Variants in USP9X observed in about 807,000 individuals in gnomAD.
USP9X encodes the protein ubiquitin specific peptidase 9 X-linked.
A neutral mutation model predicts 190.3 loss-of-function variants in USP9X; 7 were observed. The observed-to-expected ratio is 0.04, with a 90% confidence interval of 0.02 to 0.07. The LOEUF (loss-of-function observed/expected upper bound fraction) is 0.07. USP9X is among the 10% of genes least tolerant of loss of function. The pLI is 1.00. For synonymous variants in USP9X, 645 were observed against 659.5 expected (o/e 0.98, Z 0.34); for missense variants, 1,010 against 1,916.9 (o/e 0.53, Z 8.83).
At chrX:41,202,153 G>T (rs2267490) in intron 31 of USP9X, among the ~76,000 whole-genome samples, 15,298 of 111,231 alleles carry the variant, frequency 0.14, 925 homozygotes, top group East Asian at 0.22. Context: ...CAATTTCACT[G>T]TGTGTGCTTA....
At chrX:41,206,595 T>C (rs1393285240) in intron 32 of USP9X, among the ~76,000 whole-genome samples, 1 of 111,013 alleles carries the variant, frequency 9.0e-6, no homozygotes, top group African/African-American at 3.3e-5. Context: ...CTGCATCTTC[T>C]ATAAACACCT....
At chrX:41,171,995 A>G in intron 21 of USP9X, 37 bp downstream of exon 21, 3 of 1,201,950 alleles carry the variant, frequency 2.5e-6, no homozygotes, top group Non-Finnish European at 2.2e-6. Flanking sequence ...TACTTGCTGG[A>G]CAATAAAGGA....
At chrX:41,119,253 C>A (rs948151605) in intron 1 of USP9X, among the ~76,000 whole-genome samples, 1 of 111,148 alleles carries the variant, frequency 9.0e-6, no homozygotes, top group African/African-American at 3.3e-5. Context: ...TGGCTCACAT[C>A]TGTAATCCTA....
intron 2 of USP9X, among the ~76,000 whole-genome samples, chrX:41,125,672 A>T (rs867526009): frequency 4.1e-5 from 2 of 48,676 alleles, no homozygotes; most frequent in African/African-American, 8.5e-5. Flanking sequence ...ACACACACAC[A>T]CACACACACA....
intron 1 of USP9X, among the ~76,000 whole-genome samples, chrX:41,110,869 T>A (rs1384224568): frequency 9.0e-6 from 1 of 111,542 alleles, no homozygotes; most frequent in Non-Finnish European, 1.9e-5. Flanking sequence ...TAATTTAGCA[T>A]TAATATACTG....
intron 24 of USP9X, 139 bp from the exon 25 acceptor site, chrX:41,187,850 AGAC>A: frequency 2.2e-5 from 12 of 541,365 alleles, no homozygotes; most frequent in Non-Finnish European, 2.7e-5. Flanking sequence ...TTTTTTTTTA[AGAC>A]AAAGGCAACT....
In USP9X at chrX:41,085,865, G is replaced by T. The variant is rs182497849; in HGVS notation, c.-403G>T. ...GGAGAAGGGGAAGAGGGCCGTCGCCGGCCAAGGAGGAGGAGGAGGCGGGCG... is the reference window on the plus strand; with the variant it reads ...GGAGAAGGGGAAGAGGGCCGTCGCCTGCCAAGGAGGAGGAGGAGGCGGGCG... On this transcript the variant is annotated 5_prime_UTR_variant, in exon 1 of 45. Coordinates refer to ENST00000378308, the MANE Select transcript of USP9X (RefSeq NM_001039591.3). 7.5e-4 allele frequency: 222 copies of T among 297,704 alleles called. No individual in the cohort carries two copies. The highest frequency in any genetic ancestry group is 5.6e-3 in the African/African-American group (207 of 36,764). 24.5% of individuals were successfully genotyped at this position (297,704 alleles called of 1,213,427 possible).
intron 13 of USP9X, among the ~76,000 whole-genome samples, chrX:41,151,869 T>TA (rs2062529603): frequency 8.9e-6 from 1 of 112,347 alleles, no homozygotes; most frequent in South Asian, 3.7e-4. Context: ...TAGTCCCAGT[T>TA]ACTCGGGAAG....
Position 41,129,034 on chromosome X carries a change from C to T in USP9X, c.131C>T (p.Pro44Leu), listed in dbSNP as rs149866601. 7.5e-5 allele frequency: 90 copies of T among 1,207,803 alleles called. No individual in the cohort carries two copies. The highest frequency in any genetic ancestry group is 5.6e-4 in the African/African-American group (32 of 57,083). Residue 44 changes from proline (P) to leucine (L), a missense_variant, in exon 3 of 45, where the codon CCG (proline) becomes CTG (leucine). Coordinates refer to ENST00000378308, the MANE Select transcript of USP9X (RefSeq NM_001039591.3). Reference sequence around the variant, plus strand: ...CCTGATTCTTCCAATGAAAATTCCCCGGCAACTCCCCCAGATGAGCAAGGT... The same window carrying T: ...CCTGATTCTTCCAATGAAAATTCCCTGGCAACTCCCCCAGATGAGCAAGGT... ...SSPDSSNENS[P>L]ATPPDEQGQG...
At chrX:41,176,040 G>A (rs936466151) in intron 21 of USP9X, among the ~76,000 whole-genome samples, 3 of 111,244 alleles carry the variant, frequency 2.7e-5, no homozygotes, top group Non-Finnish European at 3.8e-5. Context: ...ACAGGCGTGA[G>A]CCACCATGCC....
intron 1 of USP9X, among the ~76,000 whole-genome samples, chrX:41,090,339 A>G (rs917749106): frequency 5.4e-5 from 6 of 111,881 alleles, no homozygotes; most frequent in African/African-American, 2.0e-4. Flanking sequence ...ACACTTACCT[A>G]TATTGGGCAT....
chrX:41,192,673 T>C (rs912086401), intron 26 of USP9X, among the ~76,000 whole-genome samples: 3 of 111,810 alleles, frequency 2.7e-5, no homozygotes, highest in Non-Finnish European at 5.6e-5. Context: ...TTGATGTTAA[T>C]GTGGTGTAGG....
intron 1 of USP9X, among the ~76,000 whole-genome samples, chrX:41,110,048 G>A (rs1045196751): frequency 9.0e-5 from 10 of 110,836 alleles, no homozygotes; most frequent in African/African-American, 3.3e-4. Flanking sequence ...TCTGTCAGAG[G>A]GAGAGATCCC....
chrX:41,230,186 A>C (rs1040098776), intron 43 of USP9X, among the ~76,000 whole-genome samples: 3 of 111,869 alleles, frequency 2.7e-5, no homozygotes, highest in African/African-American at 9.7e-5. Context: ...GGGTGACAAG[A>C]GTGAAACTCC....
intron 1 of USP9X, among the ~76,000 whole-genome samples, chrX:41,106,732 T>C (rs2062072396): frequency 9.2e-6 from 1 of 108,521 alleles, no homozygotes; most frequent in South Asian, 4.0e-4. Context: ...GGTTTTGCCA[T>C]GTTGGCTAGG....
intron 6 of USP9X, among the ~76,000 whole-genome samples, chrX:41,139,177 C>G (rs2062400702): frequency 8.9e-6 from 1 of 112,167 alleles, no homozygotes. Context: ...AAATATATTA[C>G]ATAATGAGCA....
In USP9X at chrX:41,197,391, G is replaced by C; in HGVS notation, c.4261G>C (p.Gly1421Arg). 8.6e-7 allele frequency: 1 copy of C among 1,159,528 alleles called. No individual in the cohort carries two copies. Among genetic ancestry groups the C allele is most frequent in the African/African-American group, 1.9e-5 (1 of 53,208 alleles). ...RDDVKRTGET[G>R]IEETILEGHL... ...TGATGTTAAAAGAACAGGAGAAACG[G>C]GTATTGAAGAGACGATCTTAGAGGG... Residue 1421 changes from glycine (G) to arginine (R), a missense_variant, in exon 29 of 45, where the codon GGT (glycine) becomes CGT (arginine). Gly to Arg is a moderately radical substitution (Grantham distance 125). Transcript: ENST00000378308.
chrX:41,232,681 T>C lies in USP9X; in HGVS notation c.*157T>C. On this transcript the variant is annotated 3_prime_UTR_variant, in exon 45 of 45. Coordinates refer to ENST00000378308, the MANE Select transcript of USP9X (RefSeq NM_001039591.3). Reference sequence around the variant, plus strand: ...CTGTCTTATCTGCAGAAATTTGCTGTCAATATATAACCCGCCTGCAGTGGA... The same window carrying C: ...CTGTCTTATCTGCAGAAATTTGCTGCCAATATATAACCCGCCTGCAGTGGA... 1 of 727,792 alleles carries C rather than the reference T, an allele frequency of 1.4e-6. No individual in the cohort carries two copies. The highest frequency in any genetic ancestry group is 3.4e-5 in the South Asian group (1 of 29,166). 60.0% of individuals were successfully genotyped at this position (727,792 alleles called of 1,213,427 possible). A position where few individuals can be genotyped will look rare whatever the true frequency, so the allele number is the denominator to read the frequency against.
chrX:41,137,678 T>C (rs182066267), intron 6 of USP9X, among the ~76,000 whole-genome samples: 88 of 111,045 alleles, frequency 7.9e-4, no homozygotes, highest in Non-Finnish European at 1.1e-3. Context: ...TCATACATTA[T>C]GGAGAACTTG....
Sources: allele counts gnomAD v4.1 joint callset (sites outside exome capture counted in the v4.1 genomes callset), GRCh38; gene constraint gnomAD v4.1.1; transcripts MANE v1.5; gene names NCBI Gene and HGNC (gene_info 2026-07-23, HGNC 2026-07-21).